Variants in GFI1B observed in about 807,000 individuals in gnomAD.
GFI1B encodes the protein zinc finger protein Gfi-1b.
Under a neutral mutation model 35.3 loss-of-function variants are expected in GFI1B, and 20 were observed. The ratio of observed to expected loss-of-function variants is 0.57; its 90% CI spans 0.40 to 0.82. The LOEUF is 0.82. GFI1B is among the 40% of genes least tolerant of loss of function. GFI1B has a pLI of 0.00. For synonymous variants in GFI1B, 178 were observed against 177.6 expected (o/e 1.00, Z -0.02); for missense variants, 430 against 446.3 (o/e 0.96, Z 0.33).
chr9:132,961,630 C>T (rs1279663388), intron 1 of GFI1B, among the ~76,000 whole-genome samples: 6 of 146,312 alleles, frequency 4.1e-5, no homozygotes, highest in East Asian at 2.0e-4. Flanking sequence ...CTCGCTCTGT[C>T]GCCCAGGCTG....
chr9:132,952,138 A>T (rs1848211534), intron 1 of GFI1B: 1 of 151,872 alleles, frequency 6.6e-6, no homozygotes, highest in Admixed American at 6.6e-5. Context: ...TTTTTTTAAA[A>T]TTTTCAACTT....
chr9:132,988,433 G>C lies in GFI1B; in HGVS notation c.475G>C (p.Gly159Arg). 1 of 1,614,008 alleles carries C rather than the reference G, an allele frequency of 6.2e-7. No individual in the cohort carries two copies. ...GGACTTCAGCCTCCGCTACTCCCCA[G>C]GCATGGATGCGTACCACTGTGTGAA... Reference protein sequence around the residue: ...ALDFSLRYSPGMDAYHCVKCN... With the variant: ...ALDFSLRYSPRMDAYHCVKCN... The change falls in exon 4 of 7, where the codon GGC (glycine) becomes CGC (arginine). Residue 159 changes from glycine to arginine, a missense_variant. Coordinates refer to ENST00000372122, the MANE Select transcript of GFI1B (RefSeq NM_001377304.1).
chr9:132,971,070 G>A (rs1427798801), intron 1 of GFI1B, among the ~76,000 whole-genome samples: 1 of 152,120 alleles, frequency 6.6e-6, no homozygotes, highest in African/African-American at 2.4e-5. Flanking sequence ...TCACTATTTT[G>A]CCCAGGCCAG....
intron 1 of GFI1B, chr9:132,946,545 G>T (rs12376655): frequency 1.3e-5 from 2 of 152,108 alleles, no homozygotes; most frequent in Admixed American, 6.5e-5. Context: ...CGAGGGAAAC[G>T]GGGAAGGGTC....
At chr9:132,956,366 C>G (rs1307699100) in intron 1 of GFI1B, among the ~76,000 whole-genome samples, 2 of 152,052 alleles carry the variant, frequency 1.3e-5, no homozygotes, top group Non-Finnish European at 2.9e-5. Flanking sequence ...CGTGAATCGT[C>G]TTCTAAAAAG....
Position 132,989,816 on chromosome 9 carries a change from C to T in GFI1B, c.723C>T (p.Ile241=). The T allele has an allele frequency of 6.2e-7, 1 of 1,614,074 alleles. No homozygotes were observed. Among genetic ancestry groups the T allele is most frequent in the Non-Finnish European group, 8.5e-7 (1 of 1,179,852 alleles). The change falls in exon 6 of 7, where the codon ATC becomes ATT. Residue 241 remains isoleucine (I), a synonymous_variant. Transcript: ENST00000372122. The surrounding 1 kb of genome is among the most constrained non-coding windows in gnomAD (Gnocchi z 6.2). ...CCACGCTGTCCACCCACCTGCTCAT[C>T]CACTCAGACACGCGGCCCTACCCCT... is the stretch of plus-strand genomic sequence containing the variant. ...RSSTLSTHLL[I]HSDTRPYPCQ... is the part of the protein sequence containing the mutation.
At chr9:132,956,613 A>G (rs1347030780) in intron 1 of GFI1B, among the ~76,000 whole-genome samples, 2 of 152,252 alleles carry the variant, frequency 1.3e-5, no homozygotes, top group Non-Finnish European at 2.9e-5. Flanking sequence ...GATCCATTCA[A>G]AATAACACAT....
In GFI1B at chr9:132,989,175, C is replaced by A. The variant is rs1450806158; in HGVS notation, c.625C>A (p.Gln209Lys). Reference protein sequence around the residue: ...KTFGHAVSLEQHTHVHSQERS... With the variant: ...KTFGHAVSLEKHTHVHSQERS... ...CTTCGGCCACGCTGTGAGCCTGGAG[C>A]AGCACACGCACGTCCACTCCCAGGT... The change falls in exon 5 of 7, where the codon CAG becomes AAG. Residue 209 changes from glutamine (Q) to lysine (K), a missense_variant. Coordinates refer to ENST00000372122, the MANE Select transcript of GFI1B (RefSeq NM_001377304.1). The surrounding 1 kb of genome is among the most constrained non-coding windows in gnomAD (Gnocchi z 6.2). 1.2e-6 allele frequency: 2 copies of A among 1,613,638 alleles called. No homozygotes were observed. Among genetic ancestry groups the A allele is most frequent in the Non-Finnish European group, 1.7e-6 (2 of 1,179,806 alleles).
At position 132,989,298 on chromosome 9, in the gene GFI1B, G is replaced by A; in HGVS notation, c.648+100G>A. On this transcript the variant is annotated intron_variant, in intron 5 of 6. Transcript: ENST00000372122. The surrounding 1 kb of genome is among the most constrained non-coding windows in gnomAD (Gnocchi z 6.2). ...GGCTGGGTCCCTCCCCCTGCCCCTG[G>A]GGGTGACACAGATTGGGAGGGGTCC... 1 of 1,214,866 alleles carries A rather than the reference G, an allele frequency of 8.2e-7. No individual in the cohort carries two copies. The allele number at this position is 1,214,866 out of a possible 1,614,324, so 75.3% of individuals were successfully genotyped here.
intron 1 of GFI1B, among the ~76,000 whole-genome samples, chr9:132,956,041 G>A (rs918062279): frequency 1.4e-4 from 21 of 152,142 alleles, no homozygotes; most frequent in Admixed American, 1.2e-3. Context: ...CCACATAGTG[G>A]AAGGCAATCT....
chr9:132,987,380 G>A lies in GFI1B; in HGVS notation c.199G>A (p.Glu67Lys). 1.2e-6 allele frequency: 2 copies of A among 1,614,262 alleles called. No homozygotes were observed. Among genetic ancestry groups the A allele is most frequent in the Non-Finnish European group, 1.7e-6 (2 of 1,180,048 alleles). Residue 67 changes from glutamate (E) to lysine (K), a missense_variant, in exon 3 of 7, where the codon GAG becomes AAG. By Grantham distance (56) the Glu-to-Lys change is moderately conservative. Transcript: ENST00000372122. Reference sequence around the variant, plus strand: ...CAACCTCAAACGAGAGCCGGAGCTGGAGCAGGACCAGAACTTGGCCAGGAT... The same window carrying A: ...CAACCTCAAACGAGAGCCGGAGCTGAAGCAGGACCAGAACTTGGCCAGGAT... ...WTNLKREPEL[E>K]QDQNLARMAP...
At chr9:132,967,639 A>G (rs1848468347) in intron 1 of GFI1B, among the ~76,000 whole-genome samples, 1 of 152,230 alleles carries the variant, frequency 6.6e-6, no homozygotes, top group South Asian at 2.1e-4. Flanking sequence ...TACGATAATG[A>G]CATTGTAGTT....
At chr9:132,983,491 G>A (rs759502980) in intron 1 of GFI1B, among the ~76,000 whole-genome samples, 4 of 152,004 alleles carry the variant, frequency 2.6e-5, no homozygotes, top group Non-Finnish European at 4.4e-5. Context: ...CACTGCACCC[G>A]GCCTGATTTT....
At chr9:132,971,713 T>C (rs942732491) in intron 1 of GFI1B, among the ~76,000 whole-genome samples, 34 of 151,908 alleles carry the variant, frequency 2.2e-4, no homozygotes, top group Non-Finnish European at 4.6e-4. Context: ...GTGGCTCACG[T>C]CTGTAATCAC....
At chr9:132,987,516 A>G (rs1212804257) in intron 3 of GFI1B, 97 bp downstream of exon 3, 4 of 1,415,932 alleles carry the variant, frequency 2.8e-6, no homozygotes, top group East Asian at 2.3e-5. Context: ...CCCTGGAGTC[A>G]GGAAGGACCC....
chr9:132,983,395 C>T (rs1341877084), intron 1 of GFI1B, among the ~76,000 whole-genome samples: 5 of 152,020 alleles, frequency 3.3e-5, no homozygotes, highest in Non-Finnish European at 7.4e-5. Flanking sequence ...CGAGGTTTCA[C>T]TGTGTTGGCT....
chr9:132,958,578 C>T (rs918740299), intron 1 of GFI1B, among the ~76,000 whole-genome samples: 6 of 152,128 alleles, frequency 3.9e-5, no homozygotes, highest in African/African-American at 7.2e-5. Flanking sequence ...ATAAACCATC[C>T]GTGAGAAATC....
chr9:132,987,324 C>T lies in GFI1B; in HGVS notation c.143C>T (p.Thr48Ile). Residue 48 changes from threonine (T) to isoleucine (I), a missense_variant, in exon 3 of 7, where the codon ACT becomes ATT. Physicochemically the swap from Thr to Ile is moderately conservative, Grantham distance 89 (BLOSUM62 -1). Transcript: ENST00000372122. Reference protein sequence around the residue: ...QAPSNSPVLSTLFPNQCLDWT... With the variant: ...QAPSNSPVLSILFPNQCLDWT... ...CCAAGCAACAGCCCTGTCCTTAGCA[C>T]TCTATTCCCAAACCAGTGCCTGGAC... 5 of 1,614,216 alleles carry T rather than the reference C, an allele frequency of 3.1e-6. No homozygotes were observed. Among genetic ancestry groups the T allele is most frequent in the Non-Finnish European group, 4.2e-6 (5 of 1,180,012 alleles).
chr9:132,987,636 C>G (rs1849123027), intron 3 of GFI1B, among the ~76,000 whole-genome samples: 1 of 152,126 alleles, frequency 6.6e-6, no homozygotes, highest in Non-Finnish European at 1.5e-5. Flanking sequence ...GAAGCAGCAG[C>G]TGGGCCGGTC....
Sources: gnomAD v4.1 joint callset for allele counts (sites outside exome capture counted in the v4.1 genomes callset) on GRCh38, gnomAD v4.1.1 for gene constraint, Gnocchi (gnomAD v3.1) non-coding constraint, MANE v1.5 for transcripts, NCBI Gene and HGNC (gene_info 2026-07-23, HGNC 2026-07-21) for gene names.